Variants in PPP2R2B observed in about 807,000 individuals in gnomAD.
PPP2R2B encodes protein phosphatase 2 regulatory subunit Bbeta.
In PPP2R2B, 5 loss-of-function variants were observed where a neutral mutation model predicts 46.0. The ratio of observed to expected loss-of-function variants is 0.11; its 90% CI spans 0.06 to 0.23. The LOEUF (loss-of-function observed/expected upper bound fraction) is 0.23. Ranked by LOEUF, PPP2R2B falls within the 10% of genes least tolerant of loss-of-function variation. PPP2R2B has a pLI of 1.00. For synonymous variants in PPP2R2B, 215 were observed against 206.7 expected (o/e 1.04, Z -0.34); for missense variants, 367 against 575.0 (o/e 0.64, Z 3.70).
chr5:146,908,224 G>A (rs1196016383), intron 1 of PPP2R2B, among the ~76,000 whole-genome samples: 1 of 152,308 alleles, frequency 6.6e-6, no homozygotes, highest in East Asian at 1.9e-4. Context: ...TTAGCTTGAA[G>A]TAGATCACAG....
intron 1 of PPP2R2B, among the ~76,000 whole-genome samples, chr5:147,028,143 C>A (rs1339461300): frequency 6.6e-6 from 1 of 152,172 alleles, no homozygotes; most frequent in East Asian, 1.9e-4. Flanking sequence ...CTATTTTCTG[C>A]AAGGTCTTCA....
At chr5:147,011,301 C>G (rs999717239) in intron 1 of PPP2R2B, among the ~76,000 whole-genome samples, 4 of 142,222 alleles carry the variant, frequency 2.8e-5, no homozygotes, top group Admixed American at 2.1e-4. Flanking sequence ...TTATAAATGC[C>G]CCCCCCATCC....
chr5:146,737,174 A>C (rs553663164), intron 2 of PPP2R2B, among the ~76,000 whole-genome samples: 1 of 152,280 alleles, frequency 6.6e-6, no homozygotes, highest in South Asian at 2.1e-4. Context: ...TGGGGACTTC[A>C]TACTGGCAGA....
At chr5:147,029,508 T>C (rs1046188038) in intron 1 of PPP2R2B, among the ~76,000 whole-genome samples, 1 of 152,200 alleles carries the variant, frequency 6.6e-6, no homozygotes, top group African/African-American at 2.4e-5. Context: ...CTGTATCCAA[T>C]ACCCAATATC....
At chr5:146,748,419 T>C (rs927304477) in intron 2 of PPP2R2B, among the ~76,000 whole-genome samples, 1 of 152,186 alleles carries the variant, frequency 6.6e-6, no homozygotes, top group Non-Finnish European at 1.5e-5. Context: ...ATTGATACAG[T>C]GGAGATACAG....
At chr5:146,850,763 T>A (rs571272919) in intron 2 of PPP2R2B, among the ~76,000 whole-genome samples, 326 of 152,238 alleles carry the variant, frequency 2.1e-3, no homozygotes, top group African/African-American at 7.5e-3. Context: ...ACATTTATCT[T>A]TATTATTCTT....
Position 146,852,133 on chromosome 5 carries a change from A to G in PPP2R2B, c.70+25869T>C, listed in dbSNP as rs73796003. ...ACCAAAGCCACAGAGAAAGGGGACC[A>G]ATAACAGCATCCTCTTCATTCCATT... is the stretch of plus-strand genomic sequence containing the variant. On this transcript the variant is annotated intron_variant, in intron 2 of 9. Transcript: ENST00000394411. Among the ~76,000 whole-genome samples, 1,204 of 152,240 alleles carry G rather than the reference A, an allele frequency of 7.9e-3. 15 individuals are homozygous for G. Among genetic ancestry groups the G allele is most frequent in the African/African-American group, 0.027 (1,131 of 41,554 alleles).
At chr5:146,781,318 C>T (rs1582089978) in intron 2 of PPP2R2B, among the ~76,000 whole-genome samples, 1 of 150,744 alleles carries the variant, frequency 6.6e-6, no homozygotes, top group South Asian at 2.1e-4. Context: ...CATTATCCTG[C>T]CTCTCTCATA....
chr5:146,811,357 G>A (rs1226840482), intron 2 of PPP2R2B, among the ~76,000 whole-genome samples: 1 of 152,094 alleles, frequency 6.6e-6, no homozygotes, highest in African/African-American at 2.4e-5. Context: ...TCACTCCGCT[G>A]AAAGTGTTTC....
intron 1 of PPP2R2B, among the ~76,000 whole-genome samples, chr5:146,895,375 C>T (rs1561501904): frequency 6.6e-6 from 1 of 152,228 alleles, no homozygotes; most frequent in Non-Finnish European, 1.5e-5. Context: ...ACATCTATGT[C>T]TATGAATGTT....
intron 1 of PPP2R2B, among the ~76,000 whole-genome samples, chr5:146,942,955 G>C (rs1048648552): frequency 6.6e-6 from 1 of 151,976 alleles, no homozygotes; most frequent in African/African-American, 2.4e-5. Context: ...CCGCCACCAC[G>C]CCTGACTAAT....
intron 1 of PPP2R2B, among the ~76,000 whole-genome samples, chr5:146,920,599 T>A (rs1044872337): frequency 3.3e-5 from 5 of 152,182 alleles, no homozygotes; most frequent in African/African-American, 1.2e-4. Context: ...ACTTCATGAC[T>A]GCCAGTCCCT....
intron 5 of PPP2R2B, among the ~76,000 whole-genome samples, chr5:146,655,218 C>T (rs1341595709): frequency 5.3e-5 from 8 of 152,160 alleles, no homozygotes; most frequent in Non-Finnish European, 1.2e-4. Context: ...TGCCTGGACA[C>T]CCAGTATTAT....
At chr5:146,818,209 C>T (rs73793284) in intron 2 of PPP2R2B, among the ~76,000 whole-genome samples, 3,469 of 152,146 alleles carry the variant, frequency 0.023, 38 homozygotes, top group Middle Eastern at 0.044. Context: ...TTAAACTCTA[C>T]GAGGGCATGG....
chr5:146,826,817 C>A (rs1452547251), intron 2 of PPP2R2B, among the ~76,000 whole-genome samples: 2 of 152,218 alleles, frequency 1.3e-5, no homozygotes, highest in East Asian at 3.9e-4. Context: ...GTAATTTAAT[C>A]TTTCTCTGCA....
chr5:147,010,529 G>T (rs139523301), intron 1 of PPP2R2B, among the ~76,000 whole-genome samples: 1 of 152,148 alleles, frequency 6.6e-6, no homozygotes, highest in South Asian at 2.1e-4. Context: ...CTCATAAGGT[G>T]TGTGCAACCT....
At chr5:146,839,542 C>T (rs1202828251) in intron 2 of PPP2R2B, among the ~76,000 whole-genome samples, 1 of 152,106 alleles carries the variant, frequency 6.6e-6, no homozygotes, top group Admixed American at 6.6e-5. Flanking sequence ...AATGTATATG[C>T]AATTTCCAAA....
At chr5:146,852,370 C>T (rs1228585760) in intron 2 of PPP2R2B, among the ~76,000 whole-genome samples, 1 of 152,078 alleles carries the variant, frequency 6.6e-6, no homozygotes, top group East Asian at 1.9e-4. Context: ...CAAATCATAG[C>T]CTGATTACAG....
chr5:146,928,776 C>G (rs894609646), intron 1 of PPP2R2B, among the ~76,000 whole-genome samples: 1 of 152,146 alleles, frequency 6.6e-6, no homozygotes, highest in African/African-American at 2.4e-5. Flanking sequence ...GTTTTCTACT[C>G]AAAACATTCT....
Sources: gnomAD v4.1 joint callset for allele counts (sites outside exome capture counted in the v4.1 genomes callset) on GRCh38, gnomAD v4.1.1 for gene constraint, MANE v1.5 for transcripts, NCBI Gene and HGNC (gene_info 2026-07-23, HGNC 2026-07-21) for gene names.